The following GAS2 variants were observed in gnomAD, a reference collection of about 807,000 sequenced individuals.
GAS2 encodes growth arrest-specific protein 2.
In GAS2, 20 loss-of-function variants were observed where a neutral mutation model predicts 37.5. The ratio of observed to expected loss-of-function variants is 0.53; its 90% confidence interval spans 0.37 to 0.77. GAS2 has a LOEUF of 0.77. Among genes scored for constraint, GAS2 ranks in the 30% least tolerant of loss-of-function variants. GAS2 has a pLI of 0.00. For missense variants in GAS2, 336 were observed against 373.4 expected, an observed-to-expected ratio of 0.90 and a Z score of 0.82; for synonymous variants, 144 against 132.2, an observed-to-expected ratio of 1.09 and a Z score of -0.61.
intron 1 of GAS2, among the ~76,000 whole-genome samples, chr11:22,661,167 A>G (rs1443338398): frequency 6.6e-6 from 1 of 152,180 alleles, no homozygotes; most frequent in Non-Finnish European, 1.5e-5. Context: ...TTATAAGTAA[A>G]TTGTGCTAGT....
At chr11:22,698,196 C>G (rs1014740270) in intron 3 of GAS2, among the ~76,000 whole-genome samples, 6 of 151,350 alleles carry the variant, frequency 4.0e-5, no homozygotes, top group African/African-American at 9.7e-5. Flanking sequence ...TATCACCACC[C>G]ATCCCACAGA....
intron 7 of GAS2, among the ~76,000 whole-genome samples, chr11:22,791,340 C>T (rs1013150423): frequency 2.6e-5 from 4 of 152,124 alleles, no homozygotes; most frequent in Non-Finnish European, 5.9e-5. Context: ...TCAGAGATTA[C>T]CACCAGGTCC....
At chr11:22,740,891 C>T (rs962703675) in intron 5 of GAS2, among the ~76,000 whole-genome samples, 1 of 152,142 alleles carries the variant, frequency 6.6e-6, no homozygotes, top group Non-Finnish European at 1.5e-5. Flanking sequence ...TCAATAATCA[C>T]AACAGTAATT....
intron 7 of GAS2, among the ~76,000 whole-genome samples, chr11:22,795,120 A>G (rs1296543170): frequency 1.3e-5 from 2 of 152,204 alleles, no homozygotes; most frequent in African/African-American, 4.8e-5. Context: ...CTAGCCATAT[A>G]CAATACAGAG....
chr11:22,710,809 A>C (rs1033073820), intron 3 of GAS2, among the ~76,000 whole-genome samples: 1 of 152,186 alleles, frequency 6.6e-6, no homozygotes, highest in Non-Finnish European at 1.5e-5. Context: ...GAGAAAAAGA[A>C]ATCACTGTTT....
chr11:22,686,580 A>T, intron 3 of GAS2, among the ~76,000 whole-genome samples: 1 of 101,198 alleles, frequency 9.9e-6, no homozygotes, highest in Non-Finnish European at 1.9e-5. Context: ...AAAAAAAAAA[A>T]AAAAAAAAAA....
At chr11:22,651,676 A>C (rs919791388) in intron 1 of GAS2, among the ~76,000 whole-genome samples, 4 of 151,944 alleles carry the variant, frequency 2.6e-5, no homozygotes, top group South Asian at 2.1e-4. Flanking sequence ...ACTTCATCTT[A>C]CATCGCTGAT....
intron 1 of GAS2, among the ~76,000 whole-genome samples, chr11:22,632,393 T>C (rs1858755965): frequency 6.6e-6 from 1 of 152,198 alleles, no homozygotes; most frequent in African/African-American, 2.4e-5. Context: ...CTTTCTGGCT[T>C]ATAAGGCTTC....
At chr11:22,717,804 G>T (rs1851753509) in intron 3 of GAS2, among the ~76,000 whole-genome samples, 1 of 151,578 alleles carries the variant, frequency 6.6e-6, no homozygotes, top group Non-Finnish European at 1.5e-5. Context: ...ATCAAACAGT[G>T]GGCAAAGGAC....
intron 7 of GAS2, among the ~76,000 whole-genome samples, chr11:22,784,690 G>C (rs554595320): frequency 6.6e-6 from 1 of 152,154 alleles, no homozygotes; most frequent in Admixed American, 6.5e-5. Flanking sequence ...TGACTATGTC[G>C]TTCCTCCAAT....
intron 2 of GAS2, among the ~76,000 whole-genome samples, chr11:22,676,560 G>A (rs1368012435): frequency 1.3e-5 from 2 of 152,074 alleles, no homozygotes; most frequent in East Asian, 1.9e-4. Flanking sequence ...CTGTACAGTG[G>A]TAATAATAGT....
At chr11:22,796,297 G>A (rs1457899944) in intron 7 of GAS2, among the ~76,000 whole-genome samples, 4 of 151,990 alleles carry the variant, frequency 2.6e-5, no homozygotes, top group African/African-American at 9.7e-5. Context: ...TGATTCTAAA[G>A]CCCACATTTT....
rs542521778 is a variant in GAS2 at position 22,749,084 on chromosome 11, G to A, written c.474-36G>A. 4 of 1,568,420 alleles carry A rather than the reference G, an allele frequency of 2.6e-6. 1 individual carries two copies. The South Asian group carries it at 3.5e-5, about 14-fold the overall frequency. On this transcript the variant is annotated intron_variant, in intron 5 of 7. Transcript: ENST00000454584. ...ATATATGGTAATTGTATCATTATAAGTTATGCATATGTAATGATCCAGGGT... is the reference window on the plus strand; with the variant it reads ...ATATATGGTAATTGTATCATTATAAATTATGCATATGTAATGATCCAGGGT...
intron 1 of GAS2, among the ~76,000 whole-genome samples, chr11:22,671,084 C>G (rs1286311147): frequency 1.3e-5 from 2 of 152,082 alleles, no homozygotes; most frequent in African/African-American, 4.8e-5. Flanking sequence ...GGACAACAAA[C>G]TAGACAGAGT....
chr11:22,730,790 C>G (rs1011821933), intron 4 of GAS2, among the ~76,000 whole-genome samples: 5 of 151,608 alleles, frequency 3.3e-5, no homozygotes, highest in African/African-American at 9.7e-5. Flanking sequence ...ATAGAAGGCT[C>G]TAGGTGTGAA....
At chr11:22,710,833 A>G (rs1158468105) in intron 3 of GAS2, among the ~76,000 whole-genome samples, 1 of 152,188 alleles carries the variant, frequency 6.6e-6, no homozygotes. Context: ...CTTCTGCAGA[A>G]GTATCATTAA....
intron 3 of GAS2, among the ~76,000 whole-genome samples, chr11:22,710,229 G>C (rs569729869): frequency 1.3e-5 from 2 of 152,116 alleles, no homozygotes; most frequent in East Asian, 1.9e-4. Context: ...CCCTAAAATT[G>C]TTTAGTAATC....
chr11:22,672,647 C>T (rs1187309990), intron 1 of GAS2: 2 of 152,150 alleles, frequency 1.3e-5, no homozygotes, highest in African/African-American at 2.4e-5. Flanking sequence ...GAGATTGTGT[C>T]TTGAGAAGAC....
chr11:22,749,746 T>TGAGGG (rs1853628208), intron 6 of GAS2, among the ~76,000 whole-genome samples: 1 of 152,028 alleles, frequency 6.6e-6, no homozygotes, highest in South Asian at 2.1e-4. Context: ...AGTAACCTGC[T>TGAGGG]GAGGGGAGGA....
Sources: gnomAD v4.1 joint callset for allele counts (sites outside exome capture counted in the v4.1 genomes callset) on GRCh38, gnomAD v4.1.1 for gene constraint, MANE v1.5 for transcripts, NCBI Gene and HGNC (gene_info 2026-07-23, HGNC 2026-07-21) for gene names.